The following KLHL1 variants were observed in gnomAD, a reference collection of about 807,000 sequenced individuals.
KLHL1 encodes the protein kelch-like protein 1.
A neutral mutation model predicts 77.7 loss-of-function variants in KLHL1; 47 were observed. That is an observed-to-expected ratio of 0.60 (90% CI 0.48 to 0.77). KLHL1 has a LOEUF of 0.77. Ranked by LOEUF, KLHL1 falls within the 30% of genes least tolerant of loss-of-function variation. The pLI, the probability that KLHL1 is intolerant of heterozygous loss-of-function variation, is 0.00. For synonymous variants in KLHL1, 360 were observed against 325.2 expected (o/e 1.11, Z -1.15); for missense variants, 925 against 910.8 (o/e 1.02, Z -0.20).
intron 5 of KLHL1, 67 bp from the exon 6 acceptor site, chr13:69,839,229 AACTAG>A: frequency 1.8e-6 from 2 of 1,127,098 alleles, no homozygotes; most frequent in Non-Finnish European, 2.5e-6. Context: ...CATTCCTTAA[AACTAG>A]AAGTTTAATG....
At chr13:69,713,970 C>T (rs75663319) in intron 9 of KLHL1, among the ~76,000 whole-genome samples, 10,679 of 152,092 alleles carry the variant, frequency 0.07, 457 homozygotes, top group Middle Eastern at 0.13. Flanking sequence ...TCAATATATT[C>T]AGGGTGTTTC....
chr13:69,981,933 A>G (rs1018428253), intron 1 of KLHL1, among the ~76,000 whole-genome samples: 1 of 144,994 alleles, frequency 6.9e-6, no homozygotes, highest in Non-Finnish European at 1.5e-5. Context: ...ATACTATTAA[A>G]ATAATAACTT....
chr13:70,001,058 A>G lies in KLHL1; in HGVS notation c.498-25256T>C, dbSNP rs554010046. Among the ~76,000 whole-genome samples, 50 of 151,452 alleles carry G rather than the reference A, an allele frequency of 3.3e-4. 3 individuals are homozygous for G. In the South Asian group the frequency reaches 9.6e-3, roughly 29 times the overall value. On this transcript the variant is annotated intron_variant, in intron 1 of 10. Coordinates refer to ENST00000377844, the MANE Select transcript of KLHL1 (RefSeq NM_020866.3). ...TAGAGACAAAAAGTAAAGAAATGGT[A>G]TATGTATTTAATGATTTGTTGTGTA... is the stretch of plus-strand genomic sequence containing the variant.
intron 2 of KLHL1, among the ~76,000 whole-genome samples, chr13:69,964,439 T>A (rs1884154539): frequency 6.6e-6 from 1 of 152,168 alleles, no homozygotes; most frequent in African/African-American, 2.4e-5. Context: ...TCTCTTGATC[T>A]TAGGGTTTTA....
At chr13:69,727,358 C>T (rs1368927539) in intron 8 of KLHL1, among the ~76,000 whole-genome samples, 2 of 151,922 alleles carry the variant, frequency 1.3e-5, no homozygotes, top group Non-Finnish European at 2.9e-5. Flanking sequence ...ATTCAAAGAC[C>T]AAGTGAATAT....
At chr13:70,085,788 T>A (rs914775684) in intron 1 of KLHL1, among the ~76,000 whole-genome samples, 1 of 152,092 alleles carries the variant, frequency 6.6e-6, no homozygotes, top group East Asian at 1.9e-4. Flanking sequence ...CGCTTGAACC[T>A]GGGAGGCAGA....
intron 7 of KLHL1, among the ~76,000 whole-genome samples, chr13:69,755,340 G>A (rs909569971): frequency 1.3e-5 from 2 of 151,856 alleles, no homozygotes; most frequent in African/African-American, 4.8e-5. Flanking sequence ...TTCACTAAAA[G>A]GTTTGTGGAT....
chr13:69,727,703 A>G, intron 8 of KLHL1, among the ~76,000 whole-genome samples: 1 of 152,184 alleles, frequency 6.6e-6, no homozygotes, highest in East Asian at 1.9e-4. Flanking sequence ...AATTTATTAA[A>G]TAATACGTTT....
intron 6 of KLHL1, among the ~76,000 whole-genome samples, chr13:69,822,769 A>G (rs1878387467): frequency 6.6e-6 from 1 of 152,198 alleles, no homozygotes; most frequent in African/African-American, 2.4e-5. Context: ...AATATACTCA[A>G]TTATATTAAC....
At chr13:70,068,873 C>T (rs956957770) in intron 1 of KLHL1, among the ~76,000 whole-genome samples, 1 of 152,112 alleles carries the variant, frequency 6.6e-6, no homozygotes, top group Non-Finnish European at 1.5e-5. Context: ...AGGAGGCACA[C>T]TTTCCTGAGT....
At chr13:69,824,846 T>A (rs183835786) in intron 6 of KLHL1, among the ~76,000 whole-genome samples, 227 of 152,228 alleles carry the variant, frequency 1.5e-3, no homozygotes, top group African/African-American at 5.1e-3. Context: ...CCTGTATGCA[T>A]TGTGAAAACT....
At chr13:69,794,622 G>A (rs189349184) in intron 7 of KLHL1, among the ~76,000 whole-genome samples, 166 of 152,042 alleles carry the variant, frequency 1.1e-3, no homozygotes, top group African/African-American at 3.6e-3. Flanking sequence ...ATAAAAAAGA[G>A]TTAAAGAAGC....
Position 69,802,950 on chromosome 13 carries a change from A to G in KLHL1, c.1415-5988T>C, listed in dbSNP as rs1566271997. The G allele has an allele frequency of 1.3e-5, 2 of 152,152 alleles. 1 individual carries two copies. Among genetic ancestry groups the G allele is most frequent in the Non-Finnish European group, 2.9e-5 (2 of 68,032 alleles). The allele number at this position is 152,152 out of a possible 1,614,324, so 9.4% of individuals were successfully genotyped here. On this transcript the variant is annotated intron_variant, in intron 6 of 10. Coordinates refer to ENST00000377844, the MANE Select transcript of KLHL1 (RefSeq NM_020866.3). ...AAAAAGTATTTATAAGGCTGGTCTG[A>G]GTGCCATTGCATTTACAACTAATCA...
At chr13:69,857,563 T>C (rs1254187455) in intron 5 of KLHL1, among the ~76,000 whole-genome samples, 1 of 152,076 alleles carries the variant, frequency 6.6e-6, no homozygotes, top group Non-Finnish European at 1.5e-5. Context: ...TGTATTTCCC[T>C]AGAATGTATC....
intron 1 of KLHL1, among the ~76,000 whole-genome samples, chr13:70,007,985 T>A (rs748397452): frequency 2.2e-4 from 34 of 152,140 alleles, no homozygotes; most frequent in Non-Finnish European, 3.8e-4. Flanking sequence ...AAGTTTATAA[T>A]TTTATATTGA....
intron 6 of KLHL1, among the ~76,000 whole-genome samples, chr13:69,833,136 C>A (rs1341420921): frequency 2.0e-5 from 3 of 152,108 alleles, no homozygotes; most frequent in East Asian, 1.9e-4. Flanking sequence ...AGTTTCTGCA[C>A]ACCAAAGGAA....
chr13:69,818,042 C>T (rs1878187908), intron 6 of KLHL1, among the ~76,000 whole-genome samples: 1 of 152,022 alleles, frequency 6.6e-6, no homozygotes, highest in African/African-American at 2.4e-5. Flanking sequence ...CTGAATTAGT[C>T]ACTAAGATTT....
chr13:69,770,658 A>G (rs1875520144), intron 7 of KLHL1, among the ~76,000 whole-genome samples: 1 of 152,168 alleles, frequency 6.6e-6, no homozygotes, highest in South Asian at 2.1e-4. Flanking sequence ...TCTATTGTGG[A>G]AATGAACTGA....
intron 1 of KLHL1, among the ~76,000 whole-genome samples, chr13:70,023,431 A>G (rs1224067081): frequency 6.6e-6 from 1 of 151,982 alleles, no homozygotes; most frequent in Non-Finnish European, 1.5e-5. Flanking sequence ...ACATTCTGTA[A>G]TGTATTATCA....
Sources: allele counts gnomAD v4.1 joint callset (sites outside exome capture counted in the v4.1 genomes callset), GRCh38; gene constraint gnomAD v4.1.1; transcripts MANE v1.5; gene names NCBI Gene and HGNC (gene_info 2026-07-23, HGNC 2026-07-21).